Variants in SLIT3 observed in about 807,000 individuals in gnomAD.
SLIT3 encodes the protein slit homolog 3 protein.
In SLIT3, 68 loss-of-function variants were observed where a neutral mutation model predicts 184.0. The observed-to-expected ratio is 0.37, with a 90% CI of 0.30 to 0.45. SLIT3 has a LOEUF of 0.45. SLIT3 is among the 20% of genes least tolerant of loss of function. SLIT3 has a pLI of 1.00. For missense variants in SLIT3, 1,707 were observed against 2,026.0 expected (o/e 0.84, Z 3.02); for synonymous variants, 831 against 828.6 (o/e 1.00, Z -0.05).
At chr5:168,722,455 C>T (rs1762975855) in intron 22 of SLIT3, 128 bp from the exon 23 acceptor site, 3 of 773,622 alleles carry the variant, frequency 3.9e-6, no homozygotes, top group Non-Finnish European at 4.3e-6. Flanking sequence ...CAGAACATCC[C>T]CTAAAGGGAC....
intron 4 of SLIT3, among the ~76,000 whole-genome samples, chr5:168,938,868 A>G (rs1762246234): frequency 2.0e-5 from 3 of 152,146 alleles, no homozygotes; most frequent in Admixed American, 1.3e-4. Flanking sequence ...TGATCTCATG[A>G]TCTGCCCACC....
intron 10 of SLIT3, among the ~76,000 whole-genome samples, chr5:168,793,824 G>A (rs1247696214): frequency 4.6e-5 from 7 of 152,008 alleles, no homozygotes; most frequent in Non-Finnish European, 8.8e-5. Flanking sequence ...CATGGAGAGC[G>A]GGCTGGGGAA....
chr5:168,709,101 GTTT>G (rs564920985), intron 25 of SLIT3, among the ~76,000 whole-genome samples: 1 of 126,960 alleles, frequency 7.9e-6, no homozygotes. Flanking sequence ...TTTTCTGTTT[GTTT>G]TTTTTTTTTT....
chr5:169,119,490 T>C (rs1292843683), intron 4 of SLIT3, among the ~76,000 whole-genome samples: 1 of 152,230 alleles, frequency 6.6e-6, no homozygotes, highest in African/African-American at 2.4e-5. Context: ...TAGTGGCTAA[T>C]TCATCTCCAA....
At chr5:168,997,690 T>A (rs891118477) in intron 4 of SLIT3, among the ~76,000 whole-genome samples, 3 of 152,106 alleles carry the variant, frequency 2.0e-5, no homozygotes, top group Non-Finnish European at 2.9e-5. Flanking sequence ...CCGGTCACCA[T>A]GCAAACTCCT....
chr5:168,967,494 C>T (rs1292109357), intron 4 of SLIT3, among the ~76,000 whole-genome samples: 1 of 79,352 alleles, frequency 1.3e-5, no homozygotes, highest in African/African-American at 4.6e-5. Context: ...GGCTGGAGTG[C>T]AGTGGCGGGA....
intron 4 of SLIT3, among the ~76,000 whole-genome samples, chr5:169,033,972 C>T (rs904326955): frequency 8.6e-5 from 13 of 151,906 alleles, no homozygotes; most frequent in Non-Finnish European, 1.6e-4. Context: ...ACCACCACGC[C>T]CGGCTAATTT....
chr5:168,808,386 G>C (rs905450996), intron 8 of SLIT3, among the ~76,000 whole-genome samples: 5 of 151,996 alleles, frequency 3.3e-5, no homozygotes, highest in African/African-American at 9.7e-5. Flanking sequence ...TCTGATTCCT[G>C]GTTCTATCAT....
At chr5:168,676,491 C>T (rs1231152300) in intron 32 of SLIT3, among the ~76,000 whole-genome samples, 2 of 152,162 alleles carry the variant, frequency 1.3e-5, no homozygotes, top group Non-Finnish European at 2.9e-5. Context: ...TCAGAAGCCT[C>T]CAGCTGCACC....
intron 4 of SLIT3, among the ~76,000 whole-genome samples, chr5:168,898,087 G>A (rs80257555): frequency 2.0e-5 from 3 of 152,172 alleles, no homozygotes; most frequent in Non-Finnish European, 4.4e-5. Flanking sequence ...GTTTTTAAAA[G>A]CTCCATAAAA....
intron 1 of SLIT3, among the ~76,000 whole-genome samples, chr5:169,272,491 T>C (rs1766662186): frequency 6.6e-6 from 1 of 152,238 alleles, no homozygotes; most frequent in Non-Finnish European, 1.5e-5. Context: ...GCGTAAAAGC[T>C]CTGCTAGGAA....
chr5:168,759,891 G>A (rs1203296365), intron 16 of SLIT3, among the ~76,000 whole-genome samples: 1 of 152,220 alleles, frequency 6.6e-6, no homozygotes, highest in Non-Finnish European at 1.5e-5. Context: ...GGTGGGGTAA[G>A]GCAGAGGGGC....
intron 4 of SLIT3, among the ~76,000 whole-genome samples, chr5:169,027,045 G>A (rs1425788309): frequency 6.6e-6 from 1 of 152,228 alleles, no homozygotes; most frequent in Non-Finnish European, 1.5e-5. Flanking sequence ...AGTGGATCAT[G>A]TTTCCATGGG....
chr5:169,281,243 C>T (rs1317408607), intron 1 of SLIT3, among the ~76,000 whole-genome samples: 1 of 152,156 alleles, frequency 6.6e-6, no homozygotes, highest in African/African-American at 2.4e-5. Context: ...CTTTGGGAGG[C>T]CAAGGTGGGC....
At chr5:168,748,464 T>G in intron 19 of SLIT3, 30 bp from the exon 20 acceptor site, 1 of 1,506,418 alleles carries the variant, frequency 6.6e-7, no homozygotes, top group Middle Eastern at 1.9e-4. Flanking sequence ...GGGTGAGGGT[T>G]GTGGGAGATA....
chr5:169,259,517 C>T (rs1766092035), intron 1 of SLIT3, among the ~76,000 whole-genome samples: 1 of 152,224 alleles, frequency 6.6e-6, no homozygotes, highest in African/African-American at 2.4e-5. Context: ...CACACCATTG[C>T]TCAGACCAGA....
chr5:168,793,766 G>A (rs1756467440), intron 10 of SLIT3, among the ~76,000 whole-genome samples: 1 of 149,582 alleles, frequency 6.7e-6, no homozygotes, highest in East Asian at 2.0e-4. Flanking sequence ...ATTACTATCT[G>A]GCTGCATAAT....
chr5:169,136,035 T>C (rs1761489951), intron 4 of SLIT3, among the ~76,000 whole-genome samples: 1 of 152,150 alleles, frequency 6.6e-6, no homozygotes, highest in Non-Finnish European at 1.5e-5. Context: ...TGGGACAGTC[T>C]CTTGAACATA....
chr5:169,285,915 T>A (rs1767137690), intron 1 of SLIT3, among the ~76,000 whole-genome samples: 1 of 152,164 alleles, frequency 6.6e-6, no homozygotes, highest in African/African-American at 2.4e-5. Context: ...AAATAAGCCA[T>A]CTCTACTGCA....
Sources: gnomAD v4.1 joint callset for allele counts (sites outside exome capture counted in the v4.1 genomes callset) on GRCh38, gnomAD v4.1.1 for gene constraint, MANE v1.5 for transcripts, NCBI Gene and HGNC (gene_info 2026-07-23, HGNC 2026-07-21) for gene names.